UHRF1: variants seen among roughly 807,000 people sequenced by gnomAD.
UHRF1 encodes the protein E3 ubiquitin-protein ligase UHRF1.
UHRF1 carries 9 observed loss-of-function variants against 96.5 expected under a neutral mutation model. The observed-to-expected ratio is 0.09, with a 90% CI of 0.06 to 0.16. The LOEUF (loss-of-function observed/expected upper bound fraction) is 0.16. UHRF1 is among the 10% of genes least tolerant of loss of function. UHRF1 has a pLI of 1.00. For missense variants in UHRF1, 626 were observed against 1,131.1 expected (o/e 0.55, Z 6.40); for synonymous variants, 455 against 469.9 (o/e 0.97, Z 0.41).
chr19:4,943,675 G>C (rs1184640847), intron 7 of UHRF1, among the ~76,000 whole-genome samples: 1 of 151,728 alleles, frequency 6.6e-6, no homozygotes, highest in East Asian at 1.9e-4. Flanking sequence ...TTTTGAGATA[G>C]AGTCTTGCTC....
At chr19:4,924,971 C>T (rs916932941) in intron 2 of UHRF1, among the ~76,000 whole-genome samples, 5 of 151,772 alleles carry the variant, frequency 3.3e-5, no homozygotes, top group Admixed American at 6.6e-5. Context: ...GGACTACAGG[C>T]GCGTGCCACC....
intron 11 of UHRF1, among the ~76,000 whole-genome samples, chr19:4,949,473 GACACACAC>G (rs10580944): frequency 1.3e-4 from 19 of 147,842 alleles, no homozygotes; most frequent in South Asian, 2.2e-4. Context: ...TTGGCACATA[GACACACAC>G]ACACACACAC....
In UHRF1 at chr19:4,921,452, A is replaced by G. The variant is rs193164973; in HGVS notation, c.154-7770A>G. Among the ~76,000 whole-genome samples, 1,071 of 150,690 alleles carry G rather than the reference A, an allele frequency of 7.1e-3. 12 individuals are homozygous for G. Among genetic ancestry groups the G allele is most frequent in the African/African-American group, 0.025 (1,010 of 40,874 alleles). On this transcript the variant is annotated intron_variant, in intron 2 of 16. Coordinates refer to ENST00000650932, the MANE Select transcript of UHRF1 (RefSeq NM_001048201.3). ...GAAACTCCGTTTCAAAAAACAAACG[A>G]AAAAGGAAAGTTGGTCAGGATGCTG...
chr19:4,924,592 G>GA (rs1487200825), intron 2 of UHRF1, among the ~76,000 whole-genome samples: 2 of 151,950 alleles, frequency 1.3e-5, no homozygotes, highest in African/African-American at 2.4e-5. Context: ...CCCTTTTTTA[G>GA]AAAAAATTAA....
rs2033969043 is a variant in UHRF1, at chr19:4,960,800, G to A, written c.2379G>A (p.Arg793=). The change falls in exon 17 of 17, where the codon CGG becomes CGA. Residue 793 remains arginine, a synonymous_variant. Coordinates refer to ENST00000650932, the MANE Select transcript of UHRF1 (RefSeq NM_001048201.3). ...TCTTCCCCGGCTACGGCAATGGCCGGTGATCTCCAAGCACTTCTCGACAGG... is the reference window on the plus strand; with the variant it reads ...TCTTCCCCGGCTACGGCAATGGCCGATGATCTCCAAGCACTTCTCGACAGG... ...NQLFPGYGNG[R] 2 of 1,533,170 alleles carry A rather than the reference G, an allele frequency of 1.3e-6. No individual in the cohort carries two copies. Among genetic ancestry groups the A allele is most frequent in the Admixed American group, 1.9e-5 (1 of 53,626 alleles). The allele number at this position is 1,533,170 out of a possible 1,614,324, so 95.0% of individuals were successfully genotyped here.
At chr19:4,913,193 T>A (rs1325839726) in intron 2 of UHRF1, among the ~76,000 whole-genome samples, 1 of 152,030 alleles carries the variant, frequency 6.6e-6, no homozygotes, top group African/African-American at 2.4e-5. Context: ...TCTGTCACAT[T>A]TCTAAGTTTA....
chr19:4,929,005 G>T (rs916468830), intron 2 of UHRF1, among the ~76,000 whole-genome samples: 1 of 152,190 alleles, frequency 6.6e-6, no homozygotes, highest in Non-Finnish European at 1.5e-5. Flanking sequence ...AAAAGCCCTC[G>T]CTAGAGGGGC....
intron 5 of UHRF1, among the ~76,000 whole-genome samples, chr19:4,933,580 A>C (rs1425170478): frequency 1.3e-5 from 2 of 152,096 alleles, no homozygotes; most frequent in Admixed American, 6.6e-5. Flanking sequence ...ACAGGGTCAA[A>C]ATAGAAAGCA....
At chr19:4,911,823 C>T (rs760274396) in intron 2 of UHRF1, among the ~76,000 whole-genome samples, 6 of 152,196 alleles carry the variant, frequency 3.9e-5, no homozygotes, top group East Asian at 1.9e-4. Flanking sequence ...ACAGTGTGAT[C>T]GAAGGTGTAG....
At chr19:4,949,983 A>C (rs1221830291) in intron 11 of UHRF1, among the ~76,000 whole-genome samples, 1 of 148,388 alleles carries the variant, frequency 6.7e-6, no homozygotes, top group African/African-American at 2.5e-5. Flanking sequence ...TGATCCTCCC[A>C]CCTCAGCCTC....
In UHRF1 at chr19:4,914,404, T is replaced by C. The variant is rs543406397; in HGVS notation, c.153+3366T>C. ...TTCTAGAGTGTTCACAGTCTTTTTT[T>C]TTCCCTGTTTAAAGAAACCTGGCCT... On this transcript the variant is annotated intron_variant, in intron 2 of 16. Coordinates refer to ENST00000650932, the MANE Select transcript of UHRF1 (RefSeq NM_001048201.3). 2.0e-5 allele frequency among the ~76,000 whole-genome samples: 3 copies of C among 152,288 alleles called. No individual in the cohort carries two copies. The East Asian group carries it at 5.8e-4, about 29-fold the overall frequency.
At chr19:4,926,695 T>C (rs2032881200) in intron 2 of UHRF1, among the ~76,000 whole-genome samples, 1 of 151,726 alleles carries the variant, frequency 6.6e-6, no homozygotes, top group South Asian at 2.1e-4. Flanking sequence ...GAGCCCAAGG[T>C]TCGATGCTGC....
intron 11 of UHRF1, among the ~76,000 whole-genome samples, chr19:4,950,133 A>G (rs980242502): frequency 1.0e-4 from 15 of 150,090 alleles, no homozygotes; most frequent in Admixed American, 2.0e-4. Context: ...GGCCTCCCAG[A>G]GTACTGGGAT....
intron 5 of UHRF1, among the ~76,000 whole-genome samples, chr19:4,939,355 C>T (rs1279734974): frequency 6.7e-6 from 1 of 149,992 alleles, no homozygotes; most frequent in East Asian, 1.9e-4. Flanking sequence ...AGCCACTATA[C>T]CCAGTCTTAG....
intron 2 of UHRF1, among the ~76,000 whole-genome samples, chr19:4,912,834 A>G (rs2032337216): frequency 6.6e-6 from 1 of 152,078 alleles, no homozygotes; most frequent in South Asian, 2.1e-4. Context: ...ATCACAGCTC[A>G]CTATAGCCTC....
upstream of UHRF1, among the ~76,000 whole-genome samples, chr19:4,908,540 G>C (rs183614067): frequency 6.6e-6 from 1 of 151,802 alleles, no homozygotes; most frequent in East Asian, 1.9e-4. Context: ...AGCCTTTTCC[G>C]GCCTCTGGGT....
At chr19:4,905,797 G>A (rs896051604), upstream of UHRF1, among the ~76,000 whole-genome samples, 5 of 152,138 alleles carry the variant, frequency 3.3e-5, no homozygotes, top group Non-Finnish European at 5.9e-5. Context: ...GATTACAGGC[G>A]TGAGCCACTG....
Position 4,954,617 on chromosome 19 carries a change from C to T in UHRF1, c.1958-33C>T, listed in dbSNP as rs753177600. ...TGTCTCTCCGGCAGCTCGGGCCACG[C>T]GCCCCTCCCTCACGCGCCCCACCCT... On this transcript the variant is annotated intron_variant, in intron 14 of 16. Transcript: ENST00000650932. This position sits in a 1 kb window ranked among gnomAD's most constrained non-coding sequence, Gnocchi z 5.9. 2.4e-5 allele frequency: 38 copies of T among 1,605,942 alleles called. No individual in the cohort carries two copies. The highest frequency in any genetic ancestry group is 6.6e-5 in the South Asian group (6 of 90,306).
chr19:4,916,847 G>A (rs2032525425), intron 2 of UHRF1, among the ~76,000 whole-genome samples: 1 of 152,178 alleles, frequency 6.6e-6, no homozygotes, highest in Non-Finnish European at 1.5e-5. Flanking sequence ...GTCCCGTCAG[G>A]CCCCTGCAGG....
Sources: gnomAD v4.1 joint callset for allele counts (sites outside exome capture counted in the v4.1 genomes callset) on GRCh38, gnomAD v4.1.1 for gene constraint, Gnocchi (gnomAD v3.1) non-coding constraint, MANE v1.5 for transcripts, NCBI Gene and HGNC (gene_info 2026-07-23, HGNC 2026-07-21) for gene names.